NCAM2: variants seen among roughly 807,000 people sequenced by gnomAD.
NCAM2 encodes the protein neural cell adhesion molecule 2.
A neutral mutation model predicts 98.1 loss-of-function variants in NCAM2; 30 were observed. The observed-to-expected ratio is 0.31, with a 90% CI of 0.23 to 0.41. NCAM2 has a LOEUF of 0.41. NCAM2 is among the 10% of genes least tolerant of loss of function. The pLI, the probability that NCAM2 is intolerant of heterozygous loss-of-function variation, is 1.00. For synonymous variants in NCAM2, 368 were observed against 342.4 expected, an observed-to-expected ratio of 1.07 and a Z score of -0.83; for missense variants, 867 against 1,005.8, an observed-to-expected ratio of 0.86 and a Z score of 1.87.
intron 1 of NCAM2, among the ~76,000 whole-genome samples, chr21:21,122,635 G>A (rs2066698931): frequency 6.6e-6 from 1 of 152,222 alleles, no homozygotes; most frequent in African/African-American, 2.4e-5. Context: ...ACTGGAAGCT[G>A]GCTGGGCCAT....
At chr21:21,188,814 A>G (rs1049629148) in intron 1 of NCAM2, among the ~76,000 whole-genome samples, 1 of 152,252 alleles carries the variant, frequency 6.6e-6, no homozygotes, top group Non-Finnish European at 1.5e-5. Context: ...AAACAAAGGC[A>G]TATAAAGAGC....
At chr21:21,004,320 C>T (rs574419803) in intron 1 of NCAM2, among the ~76,000 whole-genome samples, 1 of 152,126 alleles carries the variant, frequency 6.6e-6, no homozygotes, top group East Asian at 1.9e-4. Context: ...CTTTCAGTCA[C>T]CTTATAACTT....
Position 21,394,469 on chromosome 21 carries a change from C to CTTTTTTTT in NCAM2, c.1196-15775_1196-15768dup, listed in dbSNP as rs532068473. On this transcript the variant is annotated intron_variant, in intron 9 of 17. Coordinates refer to ENST00000400546, the MANE Select transcript of NCAM2 (RefSeq NM_004540.5). ...GACCTTAGTTAATTTAAGGGGCCAGCTTTTTTTTTTTTTTTTTTTTTTTTT... is the reference window on the plus strand; with the variant it reads ...GACCTTAGTTAATTTAAGGGGCCAGCTTTTTTTTTTTTTTTTTTTTTTTTTTTTTTTTT... Among the ~76,000 whole-genome samples the CTTTTTTTT allele has an allele frequency of 1.8e-3, 106 of 57,672 alleles. 19 individuals carry two copies. Among genetic ancestry groups the CTTTTTTTT allele is most frequent in the African/African-American group, 4.7e-3 (59 of 12,602 alleles). The allele number at this position is 57,672 out of a possible 152,430, so 37.8% of individuals were successfully genotyped here.
intron 12 of NCAM2, among the ~76,000 whole-genome samples, chr21:21,453,522 CGTAA>C (rs909036571): frequency 6.6e-6 from 1 of 151,858 alleles, no homozygotes; most frequent in Non-Finnish European, 1.5e-5. Flanking sequence ...TTGAAAATCT[CGTAA>C]GTAATTCTAG....
At chr21:21,407,503 A>C (rs968192498) in intron 9 of NCAM2, among the ~76,000 whole-genome samples, 16 of 152,204 alleles carry the variant, frequency 1.1e-4, no homozygotes, top group African/African-American at 3.9e-4. Flanking sequence ...TATATAGTTA[A>C]ATTACACTAT....
chr21:21,236,066 C>A (rs760129785), intron 1 of NCAM2, among the ~76,000 whole-genome samples: 1 of 151,800 alleles, frequency 6.6e-6, no homozygotes, highest in Non-Finnish European at 1.5e-5. Flanking sequence ...ACATAAATAC[C>A]CTGAATAATG....
chr21:21,437,401 A>G lies in NCAM2; in HGVS notation c.1654+5120A>G, dbSNP rs111278916. Among the ~76,000 whole-genome samples the G allele has an allele frequency of 2.7e-3, 407 of 151,948 alleles. 4 individuals carry two copies. Among genetic ancestry groups the G allele is most frequent in the Middle Eastern group, 0.024 (7 of 294 alleles). On this transcript the variant is annotated intron_variant, in intron 12 of 17. Transcript: ENST00000400546. ...GCCTCACCAGATCGATCATGTGAGC[A>G]ATTTATACTATGTGAGCAATTCAAT...
At chr21:21,280,439 CTT>C (rs1288533605) in intron 1 of NCAM2, 137 bp from the exon 2 acceptor site, 2 of 577,158 alleles carry the variant, frequency 3.5e-6, no homozygotes, top group Non-Finnish European at 3.0e-6. Flanking sequence ...TTTTACAAAA[CTT>C]TCATTTTTCT....
At chr21:21,403,151 T>G (rs1440549992) in intron 9 of NCAM2, among the ~76,000 whole-genome samples, 1 of 152,180 alleles carries the variant, frequency 6.6e-6, no homozygotes, top group Non-Finnish European at 1.5e-5. Flanking sequence ...TTATGTGTTT[T>G]TTTTGCTATT....
chr21:21,469,602 C>A lies in NCAM2; in HGVS notation c.1896+819C>A, dbSNP rs573452528. ...GCTATCCAAATTAATTATATTTTAGCAGATCATGTTTAAAATAATTACTCC... is the reference window on the plus strand; with the variant it reads ...GCTATCCAAATTAATTATATTTTAGAAGATCATGTTTAAAATAATTACTCC... On this transcript the variant is annotated intron_variant, in intron 14 of 17. Transcript: ENST00000400546. Among the ~76,000 whole-genome samples, 187 of 151,914 alleles carry A rather than the reference C, an allele frequency of 1.2e-3. 2 individuals carry two copies. Among genetic ancestry groups the A allele is most frequent in the South Asian group, 0.012 (58 of 4,822 alleles).
intron 11 of NCAM2, 91 bp downstream of exon 11, chr21:21,418,660 TG>T: frequency 1.1e-6 from 1 of 942,622 alleles, no homozygotes; most frequent in Non-Finnish European, 1.7e-6. Flanking sequence ...CATTTACATG[TG>T]GGATTTAAAA....
chr21:21,281,486 T>C (rs907635024), intron 2 of NCAM2, among the ~76,000 whole-genome samples: 15 of 152,188 alleles, frequency 9.9e-5, no homozygotes, highest in African/African-American at 3.4e-4. Context: ...TATGTCATCA[T>C]GCCTATGGCA....
At chr21:21,479,950 C>A (rs937825122) in intron 15 of NCAM2, among the ~76,000 whole-genome samples, 2 of 152,064 alleles carry the variant, frequency 1.3e-5, no homozygotes, top group African/African-American at 4.8e-5. Flanking sequence ...TATTGGAGTA[C>A]TTCTTTGTGA....
chr21:21,429,408 C>G lies in NCAM2; in HGVS notation c.1481-2700C>G, dbSNP rs116825016. On this transcript the variant is annotated intron_variant, in intron 11 of 17. Coordinates refer to ENST00000400546, the MANE Select transcript of NCAM2 (RefSeq NM_004540.5). ...ATAGATAATATCTCCCTCTCATCCC[C>G]CAGAATATACTACCTTCACTTTTGA... Among the ~76,000 whole-genome samples the G allele has an allele frequency of 1.2e-3, 184 of 152,300 alleles. 1 individual carries two copies. Among genetic ancestry groups the G allele is most frequent in the African/African-American group, 4.0e-3 (168 of 41,566 alleles).
chr21:21,293,228 C>G (rs369233912), intron 5 of NCAM2, among the ~76,000 whole-genome samples: 7 of 152,024 alleles, frequency 4.6e-5, no homozygotes, highest in South Asian at 4.1e-4. Context: ...TATATTTTAA[C>G]ATCTCTCAAA....
At chr21:21,311,508 T>G (rs2074053683) in intron 5 of NCAM2, among the ~76,000 whole-genome samples, 1 of 151,816 alleles carries the variant, frequency 6.6e-6, no homozygotes, top group Non-Finnish European at 1.5e-5. Flanking sequence ...GCCCAGCTAA[T>G]TTTTTTGTAT....
At chr21:21,108,667 C>T (rs1436929699) in intron 1 of NCAM2, among the ~76,000 whole-genome samples, 3 of 152,008 alleles carry the variant, frequency 2.0e-5, no homozygotes, top group Non-Finnish European at 2.9e-5. Flanking sequence ...AAGAGAAGAG[C>T]TGTATTTTCT....
At chr21:21,426,984 C>T (rs1230775269) in intron 11 of NCAM2, among the ~76,000 whole-genome samples, 1 of 152,138 alleles carries the variant, frequency 6.6e-6, no homozygotes, top group African/African-American at 2.4e-5. Context: ...CATGCTAGCA[C>T]TTCCTTTTAA....
intron 11 of NCAM2, among the ~76,000 whole-genome samples, chr21:21,428,046 G>A (rs1236775358): frequency 2.0e-5 from 3 of 152,218 alleles, no homozygotes; most frequent in African/African-American, 4.8e-5. Context: ...AAAGTGGCAA[G>A]GCCAGGTCTT....
Sources: gnomAD v4.1 joint callset for allele counts (sites outside exome capture counted in the v4.1 genomes callset) on GRCh38, gnomAD v4.1.1 for gene constraint, MANE v1.5 for transcripts, NCBI Gene and HGNC (gene_info 2026-07-23, HGNC 2026-07-21) for gene names.